The following NMNAT2 variants were observed in gnomAD, a reference collection of about 807,000 sequenced individuals.
The protein encoded by NMNAT2 is nicotinamide nucleotide adenylyltransferase 2.
Under a neutral mutation model 41.6 loss-of-function variants are expected in NMNAT2, and 11 were observed. The ratio of observed to expected loss-of-function variants is 0.26; its 90% CI spans 0.17 to 0.44. The LOEUF is 0.44. Ranked by LOEUF, NMNAT2 falls within the 20% of genes least tolerant of loss-of-function variation. The pLI, the probability that NMNAT2 is intolerant of heterozygous loss-of-function variation, is 1.00. For missense variants in NMNAT2, 288 were observed against 407.7 expected, an observed-to-expected ratio of 0.71 and a Z score of 2.53; for synonymous variants, 148 against 151.2, an observed-to-expected ratio of 0.98 and a Z score of 0.16.
chr1:183,407,824 T>C (rs766489688), intron 1 of NMNAT2, among the ~76,000 whole-genome samples: 58 of 152,236 alleles, frequency 3.8e-4, no homozygotes, highest in Non-Finnish European at 6.9e-4. Flanking sequence ...ATATAAGATA[T>C]TACATTTAAA....
At chr1:183,287,816 G>A (rs1661435947) in intron 4 of NMNAT2, among the ~76,000 whole-genome samples, 1 of 152,334 alleles carries the variant, frequency 6.6e-6, no homozygotes, top group East Asian at 1.9e-4. Flanking sequence ...CAGGCCCAAG[G>A]CTGGGGTGAT....
At chr1:183,385,201 C>T (rs969667357) in intron 1 of NMNAT2, among the ~76,000 whole-genome samples, 1 of 151,462 alleles carries the variant, frequency 6.6e-6, no homozygotes, top group Admixed American at 6.6e-5. Context: ...GACTCTGTCT[C>T]TAAAAAAAAC....
intron 5 of NMNAT2, 33 bp from the exon 6 acceptor site, chr1:183,284,823 G>C: frequency 6.3e-7 from 1 of 1,585,712 alleles, no homozygotes; most frequent in South Asian, 1.1e-5. Flanking sequence ...CAGGGACAGA[G>C]TGGGAGAGAA....
chr1:183,268,146 A>G (rs1660869327), intron 8 of NMNAT2, among the ~76,000 whole-genome samples: 1 of 152,118 alleles, frequency 6.6e-6, no homozygotes, highest in Non-Finnish European at 1.5e-5. Flanking sequence ...GATATGAGAC[A>G]TGTTGAGGCA....
At chr1:183,335,189 C>T (rs906388438) in intron 1 of NMNAT2, among the ~76,000 whole-genome samples, 2 of 152,166 alleles carry the variant, frequency 1.3e-5, no homozygotes, top group East Asian at 1.9e-4. Context: ...AATAACAATT[C>T]CCCAAACAAC....
intron 1 of NMNAT2, among the ~76,000 whole-genome samples, chr1:183,401,961 C>G (rs550483258): frequency 1.0e-3 from 158 of 151,702 alleles, no homozygotes; most frequent in African/African-American, 3.7e-3. Flanking sequence ...AGGAGATATA[C>G]CTAATGTAAA....
chr1:183,361,541 T>G (rs1663306776), intron 1 of NMNAT2, among the ~76,000 whole-genome samples: 1 of 152,170 alleles, frequency 6.6e-6, no homozygotes, highest in Non-Finnish European at 1.5e-5. Context: ...ACATTCTAGA[T>G]GCTCAATAAA....
intron 1 of NMNAT2, among the ~76,000 whole-genome samples, chr1:183,326,344 C>G (rs1221220928): frequency 7.4e-6 from 1 of 134,542 alleles, no homozygotes; most frequent in Non-Finnish European, 1.5e-5. Flanking sequence ...CCACTGCACT[C>G]CAGCCTGGGC....
chr1:183,272,657 A>G (rs1448139859), intron 8 of NMNAT2, among the ~76,000 whole-genome samples: 1 of 152,210 alleles, frequency 6.6e-6, no homozygotes, highest in Non-Finnish European at 1.5e-5. Context: ...TGAAAGAAAG[A>G]GCAAAACTGA....
At chr1:183,368,945 T>A (rs1663471308) in intron 1 of NMNAT2, among the ~76,000 whole-genome samples, 1 of 152,080 alleles carries the variant, frequency 6.6e-6, no homozygotes, top group African/African-American at 2.4e-5. Context: ...CAGGGAGAGC[T>A]CTTCTATTAA....
At chr1:183,280,103 T>A (rs950447998) in intron 7 of NMNAT2, among the ~76,000 whole-genome samples, 1 of 152,156 alleles carries the variant, frequency 6.6e-6, no homozygotes, top group African/African-American at 2.4e-5. Flanking sequence ...CGCCTCTGCG[T>A]TGCGCCATAG....
At chr1:183,283,511 T>C in intron 7 of NMNAT2, 1 of 187,130 alleles carries the variant, frequency 5.3e-6, no homozygotes. Context: ...TGGTATTGGG[T>C]TGGGCAGGCA....
chr1:183,372,035 C>A (rs1288251173), intron 1 of NMNAT2, among the ~76,000 whole-genome samples: 1 of 152,206 alleles, frequency 6.6e-6, no homozygotes, highest in Non-Finnish European at 1.5e-5. Context: ...TCTGTCTCAG[C>A]CTCCCAAAGT....
chr1:183,381,733 A>G (rs1348463103), intron 1 of NMNAT2, among the ~76,000 whole-genome samples: 1 of 152,188 alleles, frequency 6.6e-6, no homozygotes, highest in African/African-American at 2.4e-5. Context: ...AAATGAGTAA[A>G]ATGATAACTA....
At chr1:183,305,504 G>A (rs184842703) in intron 1 of NMNAT2, among the ~76,000 whole-genome samples, 105 of 152,174 alleles carry the variant, frequency 6.9e-4, no homozygotes, top group African/African-American at 9.2e-4. Context: ...TACCATACAC[G>A]CTTCTTAACA....
In NMNAT2 at chr1:183,389,824, GAAAGAAAGAAAGAAAGAA is replaced by G. The variant is rs1557897745; in HGVS notation, c.85+28341_85+28358del. Among the ~76,000 whole-genome samples, 4 of 54,334 alleles carry G rather than the reference GAAAGAAAGAAAGAAAGAA, an allele frequency of 7.4e-5. 1 individual carries two copies. Among genetic ancestry groups the G allele is most frequent in the East Asian group, 9.7e-4 (1 of 1,028 alleles). 35.6% of individuals were successfully genotyped at this position (54,334 alleles called of 152,430 possible). A position where few individuals can be genotyped will look rare whatever the true frequency, so the allele number is the denominator to read the frequency against. Reference sequence around the variant, plus strand: ...AGAAAGAAAGAAAGAAAGAAAGAAAGAAAGAAAGAAAGAAAGAAAGGAAAAAAGAGAAAGAAAGAAAGA... The same window carrying G: ...AGAAAGAAAGAAAGAAAGAAAGAAAGAGGAAAAAAGAGAAAGAAAGAAAGA... On this transcript the variant is annotated intron_variant, in intron 1 of 10. Transcript: ENST00000287713.
intron 1 of NMNAT2, among the ~76,000 whole-genome samples, chr1:183,308,391 G>A (rs765061434): frequency 6.6e-6 from 1 of 152,198 alleles, no homozygotes; most frequent in Admixed American, 6.5e-5. Context: ...AGGGCAATAT[G>A]GCAGTCAGCA....
At chr1:183,254,157 C>T (rs138485455) in intron 10 of NMNAT2, among the ~76,000 whole-genome samples, 10 of 152,126 alleles carry the variant, frequency 6.6e-5, no homozygotes, top group African/African-American at 2.4e-4. Flanking sequence ...CTTTAGGAAC[C>T]TCTATTCTGT....
intron 8 of NMNAT2, among the ~76,000 whole-genome samples, chr1:183,268,061 G>A (rs1048392177): frequency 3.3e-5 from 5 of 152,042 alleles, no homozygotes; most frequent in African/African-American, 1.2e-4. Flanking sequence ...CCCAGGGGAG[G>A]TAGGGATAGG....
Sources: gnomAD v4.1 joint callset for allele counts (sites outside exome capture counted in the v4.1 genomes callset) on GRCh38, gnomAD v4.1.1 for gene constraint, MANE v1.5 for transcripts, NCBI Gene and HGNC (gene_info 2026-07-23, HGNC 2026-07-21) for gene names.